LCN8: variants seen among roughly 807,000 people sequenced by gnomAD.
The protein encoded by LCN8 is lipocalin 8.
Under a neutral mutation model 22.8 loss-of-function variants are expected in LCN8, and 16 were observed. The ratio of observed to expected loss-of-function variants is 0.70; its 90% CI spans 0.47 to 1.06. The LOEUF is 1.06. Ranked by LOEUF, LCN8 falls within the 50% of genes least tolerant of loss-of-function variation. The probability of loss-of-function intolerance (pLI) is 0.00; values close to 1 mark genes in which losing one functional copy is unlikely to be tolerated. For missense variants in LCN8, 189 were observed against 203.3 expected (o/e 0.93, Z 0.43); for synonymous variants, 92 against 83.4 (o/e 1.10, Z -0.56).
Position 136,758,131 on chromosome 9 carries a change from T to G in LCN8, c.-201A>C, listed in dbSNP as rs1264935790. ...TGCTGGCAGCTCAGAGACGTGGGTT[T>G]CTGCACAAGCGCCATCGGCCCTGGT... On this transcript the variant is annotated 5_prime_UTR_variant, in exon 1 of 7. Transcript: ENST00000371688. 2 of 1,449,496 alleles carry G rather than the reference T, an allele frequency of 1.4e-6. No individual in the cohort carries two copies. Among genetic ancestry groups the G allele is most frequent in the Admixed American group, 4.8e-5 (2 of 41,474 alleles). The allele number at this position is 1,449,496 out of a possible 1,614,324, so 89.8% of individuals were successfully genotyped here.
At position 136,757,639 on chromosome 9, in the gene LCN8, G is replaced by A. The variant is rs1033476500; in HGVS notation, c.24+268C>T. 1.5e-5 allele frequency: 21 copies of A among 1,418,508 alleles called. 1 individual carries two copies. The highest frequency in any genetic ancestry group is 1.2e-4 in the Admixed American group (4 of 34,518). 87.9% of individuals were successfully genotyped at this position (1,418,508 alleles called of 1,614,324 possible). A position where few individuals can be genotyped will look rare whatever the true frequency, so the allele number is the denominator to read the frequency against. On this transcript the variant is annotated intron_variant, in intron 1 of 6. Transcript: ENST00000371688. ...TGCCCTCAGCAACCCGCCCAGAGCC[G>A]GGACTTCCGCTGAGACTTTTAAAAA...
chr9:136,756,395 G>GGAACAGCACAGA, intron 3 of LCN8, 127 bp downstream of exon 3: 1 of 1,603,490 alleles, frequency 6.2e-7, no homozygotes. Flanking sequence ...AACAGTGCAG[G>GGAACAGCACAGA]GAACAGCACA....
rs763008597 is a variant in LCN8, at chr9:136,755,289, G to A, written c.376C>T (p.Arg126Trp). The A allele has an allele frequency of 4.9e-5, 79 of 1,611,092 alleles. No homozygotes were observed. Among genetic ancestry groups the A allele is most frequent in the Non-Finnish European group, 5.9e-5 (70 of 1,180,010 alleles). The change falls in exon 5 of 7, where the codon CGG becomes TGG. Residue 126 changes from arginine to tryptophan, a missense_variant. Physicochemically the swap from Arg to Trp is moderately radical, Grantham distance 101. Coordinates refer to ENST00000371688, the MANE Select transcript of LCN8 (RefSeq NM_178469.4). ...AGACCAGTGTCTGCTGTCAGCTCCC[G>A]AAACTTCCAGAACCCCAGCCGGTCC... ...DKDRLGFWKF[R>W]ELTADTGLYL... is the part of the protein sequence containing the mutation.
intron 6 of LCN8, chr9:136,754,858 C>A: frequency 4.4e-6 from 6 of 1,361,244 alleles, no homozygotes; most frequent in Non-Finnish European, 4.7e-6. Flanking sequence ...TGCTCCCCTG[C>A]CCCACCCAGC....
chr9:136,754,539 CCGTGTGGTCTCTGGAGGCCCCA>C (rs1175058671), intron 6 of LCN8, 30 bp from the exon 7 acceptor site: 1 of 1,549,908 alleles, frequency 6.5e-7, no homozygotes, highest in South Asian at 1.2e-5. Flanking sequence ...GGGCTCAGGC[CCGTGTGGTCTCTGGAGGCCCCA>C]CGGGGCTTCG....
intron 1 of LCN8, 29 bp downstream of exon 1, chr9:136,757,878 A>G: frequency 6.2e-7 from 1 of 1,613,688 alleles, no homozygotes; most frequent in Non-Finnish European, 8.5e-7. Context: ...GTGTAGGAGG[A>G]GCCCCACCAA....
intron 6 of LCN8, 54 bp downstream of exon 6, chr9:136,755,081 T>C (rs999962386): frequency 5.5e-6 from 8 of 1,466,444 alleles, no homozygotes; most frequent in Non-Finnish European, 7.2e-6. Flanking sequence ...GGCCAGGGAC[T>C]GGGCCAGGGG....
intron 2 of LCN8, 40 bp downstream of exon 2, chr9:136,756,998 T>C (rs778235473): frequency 1.5e-5 from 24 of 1,605,414 alleles, no homozygotes; most frequent in Non-Finnish European, 2.0e-5. Flanking sequence ...TCCCCGGCCA[T>C]GCATGCCTCT....
At position 136,758,148 on chromosome 9, in the gene LCN8, G is replaced by C; in HGVS notation, c.-218C>G. ...CGTGGGTTTCTGCACAAGCGCCATC[G>C]GCCCTGGTGACACCCACGCCCACCG... On this transcript the variant is annotated 5_prime_UTR_variant, in exon 1 of 7. Transcript: ENST00000371688. 2 of 1,439,566 alleles carry C rather than the reference G, an allele frequency of 1.4e-6. No homozygotes were observed. 89.2% of individuals were successfully genotyped at this position (1,439,566 alleles called of 1,614,324 possible).
At chr9:136,754,597 G>A (rs772690102) in intron 6 of LCN8, 88 bp from the exon 7 acceptor site, 12 of 1,504,376 alleles carry the variant, frequency 8.0e-6, no homozygotes, top group Admixed American at 4.5e-5. Flanking sequence ...CGGGACTTCT[G>A]TCCTCGCTGC....
At chr9:136,755,004 G>C in intron 6 of LCN8, 131 bp downstream of exon 6, 3 of 1,434,312 alleles carry the variant, frequency 2.1e-6, no homozygotes, top group Non-Finnish European at 1.8e-6. Context: ...TTGGTGTCCT[G>C]TTCACAGGAA....
intron 6 of LCN8, 121 bp from the exon 7 acceptor site, chr9:136,754,630 G>C: frequency 6.8e-7 from 1 of 1,462,462 alleles, no homozygotes; most frequent in East Asian, 2.5e-5. Context: ...AAAGCACCCA[G>C]CTCCCTGAGC....
At chr9:136,758,404 C>CT (rs1847258782), upstream of LCN8, 1 of 1,003,114 alleles carries the variant, frequency 1.0e-6, no homozygotes, top group Admixed American at 5.4e-5. Context: ...GCCTCCAGCA[C>CT]TTTCCTGTGC....
Position 136,757,925 on chromosome 9 carries a change from C to T in LCN8, c.6G>A (p.Glu2=). ...AAGCCACCTTCTGCCGGTCCAGCTCCTCCATGGCTGCTGCCACCTGCGCCC... is the reference window on the plus strand; with the variant it reads ...AAGCCACCTTCTGCCGGTCCAGCTCTTCCATGGCTGCTGCCACCTGCGCCC... M[E]ELDRQKIGGF... is the part of the protein sequence containing the mutation. The change falls in exon 1 of 7, where the codon GAG becomes GAA. Residue 2 remains glutamate (E), a synonymous_variant. Transcript: ENST00000371688. 1.9e-6 allele frequency: 3 copies of T among 1,613,640 alleles called. No homozygotes were observed. Among genetic ancestry groups the T allele is most frequent in the Non-Finnish European group, 2.5e-6 (3 of 1,179,986 alleles).
chr9:136,756,692 C>G lies in LCN8; in HGVS notation c.156-100G>C, dbSNP rs112476138. 4.6e-6 allele frequency: 7 copies of G among 1,527,114 alleles called. No individual in the cohort carries two copies. In the African/African-American group the frequency reaches 8.5e-5, roughly 19 times the overall value. The allele number at this position is 1,527,114 out of a possible 1,614,324, so 94.6% of individuals were successfully genotyped here. A position where few individuals can be genotyped will look rare whatever the true frequency, so the allele number is the denominator to read the frequency against. On this transcript the variant is annotated intron_variant, in intron 2 of 6. Coordinates refer to ENST00000371688, the MANE Select transcript of LCN8 (RefSeq NM_178469.4). ...GCTGTGTCTTTAGGAAGGGCACAGGCAGCACTGTGGAGTATCCCAGGCCTG... is the reference window on the plus strand; with the variant it reads ...GCTGTGTCTTTAGGAAGGGCACAGGGAGCACTGTGGAGTATCCCAGGCCTG...
upstream of LCN8, chr9:136,758,379 G>T: frequency 9.8e-7 from 1 of 1,015,772 alleles, no homozygotes. Context: ...GGGCACTGAT[G>T]GGCAACGGAC....
intron 6 of LCN8, 94 bp from the exon 7 acceptor site, chr9:136,754,603 G>A (rs945267431): frequency 2.3e-5 from 35 of 1,497,652 alleles, no homozygotes; most frequent in Middle Eastern, 4.0e-4. Context: ...TTCTGTCCTC[G>A]CTGCCTGGTT....
chr9:136,755,670 G>A (rs1242590219), intron 3 of LCN8, 154 bp from the exon 4 acceptor site: 2 of 1,244,576 alleles, frequency 1.6e-6, no homozygotes, highest in African/African-American at 3.5e-5. Context: ...ATGATCCAGT[G>A]TGTTGGTGGG....
intron 6 of LCN8, chr9:136,754,928 C>T: frequency 7.2e-7 from 1 of 1,388,838 alleles, no homozygotes; most frequent in Non-Finnish European, 9.3e-7. Context: ...GGTCACCACC[C>T]TGGAGGTTCC....
Sources: allele counts gnomAD v4.1 joint callset, GRCh38; gene constraint gnomAD v4.1.1; transcripts MANE v1.5; gene names NCBI Gene and HGNC (gene_info 2026-07-23, HGNC 2026-07-21).